The following SYT1 variants were observed in gnomAD, a reference collection of about 807,000 sequenced individuals.
The protein encoded by SYT1 is synaptotagmin-1.
In SYT1, 8 loss-of-function variants were observed where a neutral mutation model predicts 44.8. That is an observed-to-expected ratio of 0.18 (90% confidence interval 0.10 to 0.32). SYT1 has a LOEUF of 0.32. Ranked by LOEUF, SYT1 falls within the 10% of genes least tolerant of loss-of-function variation. The pLI is 1.00. For synonymous variants in SYT1, 154 were observed against 188.8 expected (o/e 0.82, Z 1.51); for missense variants, 286 against 509.3 (o/e 0.56, Z 4.22).
intron 9 of SYT1, among the ~76,000 whole-genome samples, chr12:79,362,965 G>A (rs944197669): frequency 2.0e-5 from 3 of 150,904 alleles, no homozygotes; most frequent in Admixed American, 2.0e-4. Context: ...GGCTTACAAG[G>A]AGACATCTCT....
At chr12:79,091,133 G>A (rs1334049252) in intron 3 of SYT1, among the ~76,000 whole-genome samples, 2 of 151,922 alleles carry the variant, frequency 1.3e-5, no homozygotes, top group Non-Finnish European at 2.9e-5. Context: ...AAAGAGGCAC[G>A]CTTTGGATGG....
intron 3 of SYT1, chr12:79,103,014 A>G (rs1878525124): frequency 1.3e-5 from 2 of 152,186 alleles, no homozygotes; most frequent in Admixed American, 6.6e-5. Context: ...CATTTTACAG[A>G]TACAGAAACT....
At position 79,322,383 on chromosome 12, in the gene SYT1, C is replaced by T. The variant is rs555116070; in HGVS notation, c.810+22832C>T. ...AAAAAACTCTGAGATTTACCACTTA[C>T]ATGCCTGCATCTGTTTGGATTAACT... is the stretch of plus-strand genomic sequence containing the variant. On this transcript the variant is annotated intron_variant, in intron 8 of 10. Coordinates refer to ENST00000261205, the MANE Select transcript of SYT1 (RefSeq NM_005639.3). 1.6e-3 allele frequency among the ~76,000 whole-genome samples: 241 copies of T among 152,314 alleles called. 1 individual carries two copies. Among genetic ancestry groups the T allele is most frequent in the African/African-American group, 5.5e-3 (230 of 41,568 alleles).
chr12:79,427,163 G>A (rs960242211), intron 9 of SYT1, among the ~76,000 whole-genome samples: 6 of 152,170 alleles, frequency 3.9e-5, no homozygotes, highest in Non-Finnish European at 7.3e-5. Context: ...AGTTATTCCA[G>A]CTAATAATTT....
chr12:79,320,270 G>A (rs1033462553), intron 8 of SYT1, among the ~76,000 whole-genome samples: 1 of 152,182 alleles, frequency 6.6e-6, no homozygotes, highest in Non-Finnish European at 1.5e-5. Context: ...TCATGAAAGA[G>A]AGAGAGAAAA....
intron 8 of SYT1, among the ~76,000 whole-genome samples, chr12:79,347,800 G>A (rs1882675283): frequency 6.6e-6 from 1 of 152,132 alleles, no homozygotes; most frequent in South Asian, 2.1e-4. Context: ...AGAATGTCAA[G>A]TAATGACGGG....
chr12:79,078,029 T>TAC (rs1317498871), intron 3 of SYT1, among the ~76,000 whole-genome samples: 1 of 152,212 alleles, frequency 6.6e-6, no homozygotes, highest in Non-Finnish European at 1.5e-5. Flanking sequence ...CATTTAAGAA[T>TAC]ACATTTTTGG....
intron 8 of SYT1, among the ~76,000 whole-genome samples, chr12:79,335,360 C>G (rs17005488): frequency 0.036 from 5,304 of 149,348 alleles, 270 homozygotes; most frequent in East Asian, 0.21. Context: ...CTTTCCTTTC[C>G]TTGTATGCCT....
At chr12:79,310,485 G>C (rs1306889328) in intron 8 of SYT1, among the ~76,000 whole-genome samples, 1 of 152,154 alleles carries the variant, frequency 6.6e-6, no homozygotes, top group Admixed American at 6.5e-5. Context: ...GCTTAGGATT[G>C]ACTTGGCAAT....
chr12:79,120,376 A>T (rs1270300631), intron 3 of SYT1, among the ~76,000 whole-genome samples: 1 of 152,110 alleles, frequency 6.6e-6, no homozygotes, highest in East Asian at 1.9e-4. Flanking sequence ...ATTCCCATGT[A>T]ACAAATCTGC....
intron 10 of SYT1, among the ~76,000 whole-genome samples, chr12:79,445,064 C>T (rs1322274507): frequency 6.6e-6 from 1 of 152,016 alleles, no homozygotes; most frequent in East Asian, 1.9e-4. Context: ...TTCAGTGATA[C>T]ACAAGTTTGC....
intron 6 of SYT1, among the ~76,000 whole-genome samples, chr12:79,292,597 T>G (rs1238606092): frequency 1.3e-5 from 2 of 152,180 alleles, no homozygotes; most frequent in Non-Finnish European, 2.9e-5. Flanking sequence ...AATTAATTCT[T>G]GTCCATTAAA....
At position 79,415,489 on chromosome 12, in the gene SYT1, A is replaced by T. The variant is rs570405942; in HGVS notation, c.929-28584A>T. Among the ~76,000 whole-genome samples, 25 of 152,294 alleles carry T rather than the reference A, an allele frequency of 1.6e-4. No individual in the cohort carries two copies. In the South Asian group the frequency reaches 5.2e-3, roughly 32 times the overall value. On this transcript the variant is annotated intron_variant, in intron 9 of 10. Coordinates refer to ENST00000261205, the MANE Select transcript of SYT1 (RefSeq NM_005639.3). The stretch of plus-strand genomic sequence containing the variant: ...GAAAGGAATGTGCTGGAAAGTGGAG[A>T]CAGTAAAGCCCCAGCAAGTAATTCC...
chr12:78,897,642 T>C (rs984593157), intron 1 of SYT1, among the ~76,000 whole-genome samples: 2 of 152,050 alleles, frequency 1.3e-5, no homozygotes, highest in Non-Finnish European at 2.9e-5. Flanking sequence ...AGGATCTATA[T>C]ATAACTTATT....
intron 1 of SYT1, among the ~76,000 whole-genome samples, chr12:78,911,758 G>A (rs1255882373): frequency 6.6e-6 from 1 of 151,956 alleles, no homozygotes; most frequent in South Asian, 2.1e-4. Context: ...TGGTCATGAT[G>A]TTGGTGACAC....
intron 2 of SYT1, among the ~76,000 whole-genome samples, chr12:79,009,540 T>C (rs891545106): frequency 2.6e-5 from 4 of 152,124 alleles, no homozygotes; most frequent in Non-Finnish European, 4.4e-5. Context: ...TAAACACGTG[T>C]ATGTTTTATT....
intron 4 of SYT1, among the ~76,000 whole-genome samples, chr12:79,271,498 G>C (rs1292246599): frequency 6.6e-6 from 1 of 152,048 alleles, no homozygotes; most frequent in Admixed American, 6.6e-5. Context: ...GAGAAATTGA[G>C]TTCTTTTAGT....
chr12:78,944,375 T>A (rs947029857), intron 1 of SYT1, among the ~76,000 whole-genome samples: 1 of 151,884 alleles, frequency 6.6e-6, no homozygotes, highest in Admixed American at 6.6e-5. Flanking sequence ...ATAAGTAAGT[T>A]ACTACAAACA....
At chr12:78,976,509 G>C (rs1025765784) in intron 1 of SYT1, 1 of 152,178 alleles carries the variant, frequency 6.6e-6, no homozygotes, top group Non-Finnish European at 1.5e-5. Context: ...GGTTGGCGAA[G>C]AGAATGGTTT....
Sources: gnomAD v4.1 joint callset for allele counts (sites outside exome capture counted in the v4.1 genomes callset) on GRCh38, gnomAD v4.1.1 for gene constraint, MANE v1.5 for transcripts, NCBI Gene and HGNC (gene_info 2026-07-23, HGNC 2026-07-21) for gene names.